Variants in DGCR8 observed in about 807,000 individuals in gnomAD.
DGCR8 encodes the protein DGCR8 microprocessor complex subunit, also known as microprocessor complex subunit DGCR8.
Under a neutral mutation model 78.5 loss-of-function variants are expected in DGCR8, and 14 were observed. The observed-to-expected ratio is 0.18, with a 90% CI of 0.12 to 0.28. The LOEUF (loss-of-function observed/expected upper bound fraction) is 0.28, where lower values mean the gene tolerates loss of function less well. Among genes scored for constraint, DGCR8 ranks in the 10% least tolerant of loss-of-function variants. DGCR8 has a pLI of 1.00. For synonymous variants in DGCR8, 399 were observed against 402.4 expected, an observed-to-expected ratio of 0.99 and a Z score of 0.10; for missense variants, 702 against 1,022.5, an observed-to-expected ratio of 0.69 and a Z score of 4.28.
chr22:20,109,016 C>G lies in DGCR8; in HGVS notation c.2238+13C>G. 6.9e-7 allele frequency: 1 copy of G among 1,444,336 alleles called. No homozygotes were observed. Among genetic ancestry groups the G allele is most frequent in the Non-Finnish European group, 9.7e-7 (1 of 1,026,312 alleles). The allele number at this position is 1,444,336 out of a possible 1,614,324, so 89.5% of individuals were successfully genotyped here. ...AGCTGAGGAAAGGGTGAGTGCCACC[C>G]TAGCGGGAGGGCTGCCGGGCCACGG... On this transcript the variant is annotated intron_variant, in intron 13 of 13. Transcript: ENST00000351989.
intron 10 of DGCR8, 59 bp downstream of exon 10, chr22:20,106,336 C>A: frequency 1.4e-6 from 2 of 1,411,934 alleles, no homozygotes; most frequent in Non-Finnish European, 2.0e-6. Context: ...TCTCTGGCGT[C>A]TCATATTCTT....
chr22:20,106,703 G>A lies in DGCR8; in HGVS notation c.1996+5G>A. On this transcript the variant is annotated splice_donor_5th_base_variant and intron_variant, in intron 11 of 13. Transcript: ENST00000351989. The stretch of plus-strand genomic sequence containing the variant: ...AGCACACAGTGCGCGGGTGGTGTAA[G>A]GACTCCTTCTCTGCTGCCTGGTGGC... 6.2e-7 allele frequency: 1 copy of A among 1,607,176 alleles called. No individual in the cohort carries two copies. Among genetic ancestry groups the A allele is most frequent in the Non-Finnish European group, 8.5e-7 (1 of 1,173,760 alleles).
At chr22:20,091,353 C>T (rs2049557403) in intron 5 of DGCR8, 82 bp from the exon 6 acceptor site, 1 of 1,411,538 alleles carries the variant, frequency 7.1e-7, no homozygotes, top group Non-Finnish European at 1.0e-6. Context: ...GTGGCCTGGG[C>T]CTGCCCCATG....
Position 20,086,005 on chromosome 22 carries a change from C to T in DGCR8, c.42C>T (p.Pro14=), listed in dbSNP as rs1393813140. The change falls in exon 2 of 14, where the codon CCC becomes CCT. Residue 14 remains proline, a synonymous_variant. Coordinates refer to ENST00000351989, the MANE Select transcript of DGCR8 (RefSeq NM_022720.7). This position sits in a 1 kb window ranked among gnomAD's most constrained non-coding sequence, Gnocchi z 6.4. ...DESPSPLPCG[P]AGEAVMESRA... ...GCCCCTCTCCGCTCCCGTGTGGGCC[C>T]GCAGGAGAAGCGGTGATGGAGAGCC... The T allele has an allele frequency of 8.7e-6, 14 of 1,610,490 alleles. No homozygotes were observed. Among genetic ancestry groups the T allele is most frequent in the East Asian group, 4.5e-5 (2 of 44,804 alleles).
At chr22:20,084,564 G>A (rs1209480787) in intron 1 of DGCR8, among the ~76,000 whole-genome samples, 4 of 152,136 alleles carry the variant, frequency 2.6e-5, no homozygotes, top group African/African-American at 4.8e-5. Flanking sequence ...CCTCCTCAGT[G>A]CGTCCTGGCC....
At chr22:20,082,910 TGGGCCTTCCTATCC>T (rs2147911653) in intron 1 of DGCR8, among the ~76,000 whole-genome samples, 1 of 152,348 alleles carries the variant, frequency 6.6e-6, no homozygotes, top group African/African-American at 2.4e-5. Context: ...TGCCACTGTG[TGGGCCTTCCTATCC>T]GGTGGCCCAT....
chr22:20,107,511 C>T, intron 12 of DGCR8, 113 bp downstream of exon 12: 1 of 1,359,940 alleles, frequency 7.4e-7, no homozygotes, highest in East Asian at 2.3e-5. Flanking sequence ...TTGCTCACAG[C>T]TGCCTCTCTC....
chr22:20,100,325 A>G (rs2049682205), intron 9 of DGCR8: 1 of 982,996 alleles, frequency 1.0e-6, no homozygotes, highest in African/African-American at 1.7e-5. Context: ...TTGGCCTCCC[A>G]AAGTGCTGGG....
At position 20,088,017 on chromosome 22, in the gene DGCR8, G is replaced by A. The variant is rs773404515; in HGVS notation, c.880+696G>A. Among the ~76,000 whole-genome samples the A allele has an allele frequency of 2.8e-4, 42 of 152,230 alleles. 1 individual carries two copies. The highest frequency in any genetic ancestry group is 6.2e-4 in the South Asian group (3 of 4,808). On this transcript the variant is annotated intron_variant, in intron 3 of 13. Transcript: ENST00000351989. ...AGATGTGGGGCTCGGTAGAGGGACT[G>A]AAGAGATGCACGGGGACTCAGGCTC... is the stretch of plus-strand genomic sequence containing the variant.
At chr22:20,094,625 TG>T in intron 8 of DGCR8, 87 bp from the exon 9 acceptor site, 1 of 1,192,318 alleles carries the variant, frequency 8.4e-7, no homozygotes. Flanking sequence ...GCTGTGGGGA[TG>T]GGAGGCAGCA....
intron 1 of DGCR8, 110 bp downstream of exon 1, chr22:20,080,493 G>A (rs978598610): frequency 1.0e-6 from 1 of 984,116 alleles, no homozygotes; most frequent in African/African-American, 1.8e-5. Context: ...CCGCGGGCGG[G>A]GCGGGGGCGC....
At chr22:20,091,118 G>A (rs2049553404) in intron 5 of DGCR8, among the ~76,000 whole-genome samples, 1 of 152,236 alleles carries the variant, frequency 6.6e-6, no homozygotes. Flanking sequence ...TGGCATTCGG[G>A]CACCTGTTTT....
chr22:20,092,748 T>C, intron 7 of DGCR8, 61 bp from the exon 8 acceptor site: 2 of 1,444,150 alleles, frequency 1.4e-6, no homozygotes, highest in East Asian at 2.3e-5. Flanking sequence ...GTGGGCAGAC[T>C]GTGCACACGC....
intron 1 of DGCR8, 81 bp downstream of exon 1, chr22:20,080,464 C>T: frequency 1.0e-6 from 1 of 983,668 alleles, no homozygotes; most frequent in Non-Finnish European, 1.2e-6. Context: ...TTCCCTCCCG[C>T]CTCCCTCCGG....
In DGCR8 at chr22:20,085,328, T is replaced by G. The variant is rs1336299449; in HGVS notation, c.-277-359T>G. On this transcript the variant is annotated intron_variant, in intron 1 of 13. Transcript: ENST00000351989. This position sits in a 1 kb window ranked among gnomAD's most constrained non-coding sequence, Gnocchi z 6.2. ...AGGGAGGCCACGCGCCTTCTGTGTG[T>G]TCCAGAAAGGGTGCCTCCCACTGCA... Among the ~76,000 whole-genome samples, 1 of 152,204 alleles carries G rather than the reference T, an allele frequency of 6.6e-6. No homozygotes were observed. The highest frequency in any genetic ancestry group is 1.9e-4 in the East Asian group (1 of 5,202).
Position 20,106,168 on chromosome 22 carries a change from G to A in DGCR8, c.1789-9G>A. The A allele has an allele frequency of 1.2e-6, 2 of 1,613,404 alleles. No individual in the cohort carries two copies. Among genetic ancestry groups the A allele is most frequent in the Non-Finnish European group, 1.7e-6 (2 of 1,179,542 alleles). ...GTGGGGACTCACAAGCCTCTGCTTT[G>A]TGTTGTAGTATTTTAACCACATCAG... On this transcript the variant is annotated splice_polypyrimidine_tract_variant and intron_variant, in intron 9 of 13. Coordinates refer to ENST00000351989, the MANE Select transcript of DGCR8 (RefSeq NM_022720.7).
intron 9 of DGCR8, among the ~76,000 whole-genome samples, chr22:20,105,423 T>G (rs1034505427): frequency 1.6e-4 from 25 of 152,204 alleles, no homozygotes; most frequent in African/African-American, 6.0e-4. Flanking sequence ...TTGTCCATGC[T>G]CCAGAGTGGG....
At chr22:20,106,787 G>A in intron 11 of DGCR8, 89 bp downstream of exon 11, 1 of 921,088 alleles carries the variant, frequency 1.1e-6, no homozygotes, top group Non-Finnish European at 1.8e-6. Flanking sequence ...CTCAGCTGTT[G>A]CCCTGGCATT....
chr22:20,094,569 G>T (rs1465637987), intron 8 of DGCR8, 144 bp from the exon 9 acceptor site: 2 of 726,258 alleles, frequency 2.8e-6, no homozygotes, highest in Non-Finnish European at 4.8e-6. Flanking sequence ...TCCTGACCCT[G>T]TCACTGAAGT....
Sources: allele counts gnomAD v4.1 joint callset (sites outside exome capture counted in the v4.1 genomes callset), GRCh38; gene constraint gnomAD v4.1.1; non-coding constraint Gnocchi (gnomAD v3.1); transcripts MANE v1.5; gene names NCBI Gene and HGNC (gene_info 2026-07-23, HGNC 2026-07-21).